Variants in CAMK1D observed in about 807,000 individuals in gnomAD.
The protein encoded by CAMK1D is calcium/calmodulin dependent protein kinase ID.
CAMK1D carries 9 observed loss-of-function variants against 47.7 expected under a neutral mutation model. The observed-to-expected ratio is 0.19, with a 90% confidence interval of 0.11 to 0.33. The LOEUF is 0.33. CAMK1D is among the 10% of genes least tolerant of loss of function. The pLI is 1.00. For synonymous variants in CAMK1D, 184 were observed against 184.9 expected, an observed-to-expected ratio of 0.99 and a Z score of 0.04; for missense variants, 291 against 488.7, an observed-to-expected ratio of 0.60 and a Z score of 3.81.
intron 1 of CAMK1D, among the ~76,000 whole-genome samples, chr10:12,458,249 A>G (rs1833316972): frequency 6.6e-6 from 1 of 152,140 alleles, no homozygotes; most frequent in South Asian, 2.1e-4. Context: ...CAGAGCTGGC[A>G]TTCTTGAGGG....
intron 6 of CAMK1D, among the ~76,000 whole-genome samples, chr10:12,792,215 G>A (rs1389918680): frequency 6.6e-6 from 1 of 152,096 alleles, no homozygotes; most frequent in Non-Finnish European, 1.5e-5. Context: ...CTTCTGAGAC[G>A]TCTTATCTCC....
chr10:12,825,846 T>A, intron 10 of CAMK1D, 156 bp downstream of exon 10: 2 of 1,271,590 alleles, frequency 1.6e-6, no homozygotes, highest in Non-Finnish European at 2.2e-6. Context: ...TTTTAACATG[T>A]AATCACTGGG....
At chr10:12,692,997 A>G (rs1046786699) in intron 3 of CAMK1D, among the ~76,000 whole-genome samples, 3 of 152,144 alleles carry the variant, frequency 2.0e-5, no homozygotes, top group African/African-American at 7.2e-5. Context: ...TAACATTTCA[A>G]TCAGTAGACT....
intron 2 of CAMK1D, among the ~76,000 whole-genome samples, chr10:12,624,211 CGTGTGT>C (rs771627230): frequency 6.6e-6 from 1 of 151,012 alleles, no homozygotes; most frequent in South Asian, 2.1e-4. Context: ...AGAGTGTGTG[CGTGTGT>C]GTGTGTGTGT....
chr10:12,819,576 C>T (rs1049250925), intron 8 of CAMK1D, among the ~76,000 whole-genome samples: 1 of 152,216 alleles, frequency 6.6e-6, no homozygotes, highest in African/African-American at 2.4e-5. Flanking sequence ...CAAGGGGTTA[C>T]GTGAGATAAT....
intron 1 of CAMK1D, among the ~76,000 whole-genome samples, chr10:12,548,466 T>TTTG (rs1836470993): frequency 7.0e-6 from 1 of 143,210 alleles, no homozygotes; most frequent in Non-Finnish European, 1.5e-5. Context: ...TTTTTTTTTT[T>TTTG]TTTGCTGGGG....
intron 6 of CAMK1D, among the ~76,000 whole-genome samples, chr10:12,804,546 G>A (rs534030533): frequency 6.6e-6 from 1 of 152,096 alleles, no homozygotes; most frequent in Admixed American, 6.5e-5. Context: ...CTCAGGAGGT[G>A]GAGATTGTAC....
intron 1 of CAMK1D, among the ~76,000 whole-genome samples, chr10:12,536,864 A>C (rs1272965677): frequency 6.6e-6 from 1 of 152,110 alleles, no homozygotes; most frequent in East Asian, 1.9e-4. Context: ...AAACTGCTAC[A>C]GAGTATTCTG....
At position 12,553,306 on chromosome 10, in the gene CAMK1D, G is replaced by A. The variant is rs553333737; in HGVS notation, c.174G>A (p.Ala58=). Residue 58 remains alanine (A), a synonymous_variant, in exon 2 of 11, where the codon GCG becomes GCA. Coordinates refer to ENST00000619168, the MANE Select transcript of CAMK1D (RefSeq NM_153498.4). ...CTGTGAAGTGTATCCCTAAGAAGGC[G>A]CTGAAGGGCAAGGAAAGCAGCATAG... The part of the protein sequence containing the change: ...LFAVKCIPKK[A]LKGKESSIEN... 13 of 1,614,060 alleles carry A rather than the reference G, an allele frequency of 8.1e-6. No homozygotes were observed. Among genetic ancestry groups the A allele is most frequent in the Middle Eastern group, 1.6e-4 (1 of 6,082 alleles).
chr10:12,593,450 C>T (rs1223646807), intron 2 of CAMK1D, among the ~76,000 whole-genome samples: 1 of 152,114 alleles, frequency 6.6e-6, no homozygotes, highest in Non-Finnish European at 1.5e-5. Flanking sequence ...ATTAGCCAGG[C>T]ATGGTGGTGG....
chr10:12,791,333 T>G, intron 6 of CAMK1D, 100 bp downstream of exon 6: 4 of 1,049,350 alleles, frequency 3.8e-6, no homozygotes, highest in Non-Finnish European at 5.9e-6. Flanking sequence ...GGGTACAGTT[T>G]AAGGGTGCAG....
At chr10:12,722,111 C>T (rs1207725246) in intron 3 of CAMK1D, among the ~76,000 whole-genome samples, 1 of 152,022 alleles carries the variant, frequency 6.6e-6, no homozygotes, top group Non-Finnish European at 1.5e-5. Context: ...GTTAGGATTT[C>T]AGTATATGCA....
intron 1 of CAMK1D, among the ~76,000 whole-genome samples, chr10:12,462,852 T>C (rs1046084926): frequency 6.6e-6 from 1 of 152,184 alleles, no homozygotes; most frequent in Non-Finnish European, 1.5e-5. Flanking sequence ...TGCACCACCA[T>C]GCCCAGCTTG....
chr10:12,447,114 T>G (rs1204350779), intron 1 of CAMK1D, among the ~76,000 whole-genome samples: 1 of 152,224 alleles, frequency 6.6e-6, no homozygotes, highest in Non-Finnish European at 1.5e-5. Context: ...TCTGTCTTTT[T>G]TTACTGAGTA....
At chr10:12,665,430 C>T (rs894881663) in intron 2 of CAMK1D, among the ~76,000 whole-genome samples, 14 of 152,214 alleles carry the variant, frequency 9.2e-5, no homozygotes, top group African/African-American at 2.9e-4. Flanking sequence ...TGTTTAGCGG[C>T]AACAGCCTTT....
chr10:12,628,080 CA>C (rs1248686635), intron 2 of CAMK1D, among the ~76,000 whole-genome samples: 1 of 81,514 alleles, frequency 1.2e-5, no homozygotes, highest in African/African-American at 3.8e-5. Context: ...GACTCTGTCT[CA>C]AAAAAAAACA....
intron 1 of CAMK1D, among the ~76,000 whole-genome samples, chr10:12,498,491 A>G (rs1375205055): frequency 6.6e-6 from 1 of 152,196 alleles, no homozygotes; most frequent in African/African-American, 2.4e-5. Context: ...TCTGGCTGAG[A>G]TATGGCTGAA....
At chr10:12,749,697 T>C (rs1835859638) in intron 3 of CAMK1D, among the ~76,000 whole-genome samples, 1 of 152,144 alleles carries the variant, frequency 6.6e-6, no homozygotes, top group Non-Finnish European at 1.5e-5. Context: ...TAGCTGGGAT[T>C]ACACGTGCCC....
chr10:12,522,201 CTTTT>C (rs746434997), intron 1 of CAMK1D, among the ~76,000 whole-genome samples: 69 of 38,872 alleles, frequency 1.8e-3, no homozygotes, highest in African/African-American at 5.6e-3. Flanking sequence ...CTTTTTTTTT[CTTTT>C]TTTTTTTTTT....
Sources: gnomAD v4.1 joint callset for allele counts (sites outside exome capture counted in the v4.1 genomes callset) on GRCh38, gnomAD v4.1.1 for gene constraint, MANE v1.5 for transcripts, NCBI Gene and HGNC (gene_info 2026-07-23, HGNC 2026-07-21) for gene names.